The following KCNK2 variants were observed in gnomAD, a reference collection of about 807,000 sequenced individuals.
KCNK2 encodes potassium channel subfamily K member 2.
KCNK2 carries 21 observed loss-of-function variants against 40.5 expected under a neutral mutation model. The ratio of observed to expected loss-of-function variants is 0.52; its 90% CI spans 0.37 to 0.75. KCNK2 has a LOEUF of 0.75. KCNK2 is among the 30% of genes least tolerant of loss of function. The pLI is 0.00. For synonymous variants in KCNK2, 191 were observed against 202.2 expected (o/e 0.94, Z 0.47); for missense variants, 399 against 531.6 (o/e 0.75, Z 2.45).
At chr1:215,175,340 GA>G (rs1326419066) in intron 5 of KCNK2, among the ~76,000 whole-genome samples, 2 of 152,220 alleles carry the variant, frequency 1.3e-5, no homozygotes, top group Middle Eastern at 3.4e-3. Context: ...AAGGTATACA[GA>G]AAGGTGGAGT....
chr1:215,219,240 GT>G (rs1666076561), intron 6 of KCNK2, among the ~76,000 whole-genome samples: 1 of 152,166 alleles, frequency 6.6e-6, no homozygotes, highest in African/African-American at 2.4e-5. Flanking sequence ...AAGAAAAGAG[GT>G]TTGTACTAGA....
chr1:215,184,024 T>G (rs1422101020), intron 5 of KCNK2, among the ~76,000 whole-genome samples: 3 of 152,208 alleles, frequency 2.0e-5, no homozygotes, highest in Non-Finnish European at 2.9e-5. Context: ...CACCTCTCTG[T>G]GCACTGTAGA....
intron 2 of KCNK2, among the ~76,000 whole-genome samples, chr1:215,087,880 C>T (rs1203074195): frequency 6.6e-6 from 1 of 152,160 alleles, no homozygotes; most frequent in Non-Finnish European, 1.5e-5. Context: ...CATATGCATA[C>T]ACGTTCTTAT....
chr1:215,096,662 A>C (rs1208931119), intron 2 of KCNK2, among the ~76,000 whole-genome samples: 1 of 151,972 alleles, frequency 6.6e-6, no homozygotes, highest in East Asian at 1.9e-4. Context: ...TAGCTTTAAG[A>C]ATCTTCATGA....
intron 1 of KCNK2, among the ~76,000 whole-genome samples, chr1:215,065,971 T>C (rs1202357459): frequency 2.6e-5 from 4 of 152,136 alleles, no homozygotes; most frequent in South Asian, 2.1e-4. Context: ...TCTAAAAAAA[T>C]TGATGAAGCT....
intron 3 of KCNK2, among the ~76,000 whole-genome samples, chr1:215,128,790 G>GGAATTGTTTAAAGAA (rs1293454121): frequency 1.3e-5 from 2 of 151,816 alleles, no homozygotes; most frequent in African/African-American, 4.9e-5. Context: ...CTTGTTTAAA[G>GGAATTGTTTAAAGAA]GAATTGTTTA....
In KCNK2 at chr1:215,109,029, CAT is replaced by C. The variant is rs143949771; in HGVS notation, c.358-15595_358-15594del. Among the ~76,000 whole-genome samples, 9 of 151,280 alleles carry C rather than the reference CAT, an allele frequency of 5.9e-5. No individual in the cohort carries two copies. In the East Asian group the frequency reaches 1.8e-3, roughly 29 times the overall value. ...TATATGCATATATATATCATTCATT[CAT>C]ATATATATGCATATATATAGTTCAT... On this transcript the variant is annotated intron_variant, in intron 2 of 6. Coordinates refer to ENST00000444842, the MANE Select transcript of KCNK2 (RefSeq NM_001017425.3).
At chr1:215,006,102 G>A (rs1453409539) in intron 1 of KCNK2, 5 of 667,020 alleles carry the variant, frequency 7.5e-6, no homozygotes, top group Middle Eastern at 4.1e-4. Flanking sequence ...TCCAACAGAG[G>A]GTTAGTTGCT....
chr1:215,136,690 C>CT (rs1661934873), intron 3 of KCNK2, among the ~76,000 whole-genome samples: 1 of 152,078 alleles, frequency 6.6e-6, no homozygotes, highest in Admixed American at 6.5e-5. Context: ...ATCCCTGTGG[C>CT]TTAGGGACCA....
At chr1:215,210,432 T>G (rs550800911) in intron 6 of KCNK2, among the ~76,000 whole-genome samples, 3 of 152,110 alleles carry the variant, frequency 2.0e-5, no homozygotes, top group Non-Finnish European at 4.4e-5. Context: ...CTACACAAGT[T>G]CAACAAAAGT....
At chr1:215,188,302 T>C (rs939170657) in intron 5 of KCNK2, among the ~76,000 whole-genome samples, 9 of 152,324 alleles carry the variant, frequency 5.9e-5, no homozygotes, top group African/African-American at 2.2e-4. Flanking sequence ...TTTCCTCTTC[T>C]GGCATATTTA....
intron 6 of KCNK2, among the ~76,000 whole-genome samples, chr1:215,215,426 A>AG (rs1277435162): frequency 6.6e-6 from 1 of 152,214 alleles, no homozygotes; most frequent in Non-Finnish European, 1.5e-5. Flanking sequence ...ATACAAAAAA[A>AG]TAGGTCAAAT....
chr1:215,088,072 T>A (rs1659525832), intron 2 of KCNK2, among the ~76,000 whole-genome samples: 1 of 152,040 alleles, frequency 6.6e-6, no homozygotes, highest in African/African-American at 2.4e-5. Flanking sequence ...AGTGAAAGTG[T>A]CAGCTAATAT....
chr1:215,168,221 TG>T (rs938390501), intron 3 of KCNK2, among the ~76,000 whole-genome samples: 1 of 152,146 alleles, frequency 6.6e-6, no homozygotes, highest in Admixed American at 6.6e-5. Flanking sequence ...CAACAGAGGC[TG>T]TGGAGAAATA....
At chr1:215,230,507 G>GTGTATATA (rs564184766) in intron 6 of KCNK2, among the ~76,000 whole-genome samples, 44 of 65,548 alleles carry the variant, frequency 6.7e-4, no homozygotes, top group African/African-American at 3.0e-3. Context: ...ACACACGGCT[G>GTGTATATA]TATATATATA....
chr1:215,019,228 A>G (rs1165385997), intron 1 of KCNK2, among the ~76,000 whole-genome samples: 2 of 152,214 alleles, frequency 1.3e-5, no homozygotes, highest in African/African-American at 4.8e-5. Context: ...CTTTGCTTTT[A>G]AAGTTTTCTG....
intron 2 of KCNK2, among the ~76,000 whole-genome samples, chr1:215,106,308 C>T (rs986742846): frequency 2.0e-5 from 3 of 152,034 alleles, no homozygotes; most frequent in East Asian, 3.9e-4. Context: ...GGTATCTCAT[C>T]GTAGTTTTGA....
chr1:215,154,614 G>T (rs943503973), intron 3 of KCNK2, among the ~76,000 whole-genome samples: 5 of 152,046 alleles, frequency 3.3e-5, no homozygotes, highest in African/African-American at 1.2e-4. Flanking sequence ...TTTGGTATTT[G>T]TTGCAATTGC....
At chr1:215,064,534 G>A (rs1388064299) in intron 1 of KCNK2, among the ~76,000 whole-genome samples, 1 of 152,080 alleles carries the variant, frequency 6.6e-6, no homozygotes, top group Non-Finnish European at 1.5e-5. Context: ...GGCTTCCCTG[G>A]GTGATTCCAA....
Sources: allele counts gnomAD v4.1 joint callset (sites outside exome capture counted in the v4.1 genomes callset), GRCh38; gene constraint gnomAD v4.1.1; transcripts MANE v1.5; gene names NCBI Gene and HGNC (gene_info 2026-07-23, HGNC 2026-07-21).